EHBP1: variants seen among roughly 807,000 people sequenced by gnomAD.
EHBP1 encodes EH domain-binding protein 1.
EHBP1 carries 55 observed loss-of-function variants against 144.0 expected under a neutral mutation model. The observed-to-expected ratio is 0.38, with a 90% CI of 0.31 to 0.48. EHBP1 has a LOEUF of 0.48. Among genes scored for constraint, EHBP1 ranks in the 20% least tolerant of loss-of-function variants. EHBP1 has a pLI of 0.98. For missense variants in EHBP1, 1,200 were observed against 1,364.2 expected (o/e 0.88, Z 1.90); for synonymous variants, 469 against 472.7 (o/e 0.99, Z 0.10).
At chr2:62,740,306 A>G (rs959510998) in intron 2 of EHBP1, among the ~76,000 whole-genome samples, 1 of 152,236 alleles carries the variant, frequency 6.6e-6, no homozygotes, top group Non-Finnish European at 1.5e-5. Context: ...CAGAAAAGAA[A>G]TATATCCTAT....
chr2:62,990,793 A>G lies in EHBP1; in HGVS notation c.2686A>G (p.Ser896Gly). The part of the protein sequence containing the change: ...VQPQVANSPS[S>G]AAQKAVTESS... Reference sequence around the variant, plus strand: ...GCCACAGGTGGCAAATTCACCCTCCAGTGCTGCCCAGAAAGCTGTAACTGA... The same window carrying G: ...GCCACAGGTGGCAAATTCACCCTCCGGTGCTGCCCAGAAAGCTGTAACTGA... Residue 896 changes from serine (S) to glycine (G), a missense_variant, in exon 16 of 23, where the codon AGT (serine) becomes GGT (glycine). Coordinates refer to ENST00000431489, the MANE Select transcript of EHBP1 (RefSeq NM_001142616.3). The G allele has an allele frequency of 6.2e-7, 1 of 1,613,914 alleles. No individual in the cohort carries two copies. The highest frequency in any genetic ancestry group is 8.5e-7 in the Non-Finnish European group (1 of 1,179,860).
chr2:62,935,328 C>CAAA (rs550896639), intron 10 of EHBP1, among the ~76,000 whole-genome samples: 8 of 106,474 alleles, frequency 7.5e-5, no homozygotes, highest in South Asian at 3.2e-4. Flanking sequence ...GACTCCATCT[C>CAAA]AAAAAAAAAA....
At chr2:62,868,724 G>A (rs2050232573) in intron 9 of EHBP1, among the ~76,000 whole-genome samples, 1 of 152,052 alleles carries the variant, frequency 6.6e-6, no homozygotes, top group Non-Finnish European at 1.5e-5. Context: ...GTGGTTGGAG[G>A]ATCTCTTGAG....
chr2:62,866,938 A>G (rs1281284942), intron 9 of EHBP1, among the ~76,000 whole-genome samples: 1 of 152,154 alleles, frequency 6.6e-6, no homozygotes, highest in Non-Finnish European at 1.5e-5. Context: ...AACAAAAACA[A>G]CTCAAGCCAG....
rs1574539567 is a variant in EHBP1, at chr2:63,029,448, T to C, written c.3104-8087T>C. Among the ~76,000 whole-genome samples, 5 of 150,728 alleles carry C rather than the reference T, an allele frequency of 3.3e-5. No individual in the cohort carries two copies. In the Admixed American group the frequency reaches 3.3e-4, roughly 10 times the overall value. On this transcript the variant is annotated intron_variant, in intron 19 of 22. Transcript: ENST00000431489. The stretch of plus-strand genomic sequence containing the variant: ...TTATGTCTGTCTCCATACTAGATTA[T>C]GCGGCCTTTGAGGGCAGGGACCACA...
intron 16 of EHBP1, among the ~76,000 whole-genome samples, chr2:62,992,548 A>G (rs1222663681): frequency 6.6e-6 from 1 of 152,350 alleles, no homozygotes; most frequent in Non-Finnish European, 1.5e-5. Flanking sequence ...TAAAGAACAT[A>G]TAGAGTCCAT....
At chr2:62,822,047 T>C (rs1352480077) in intron 5 of EHBP1, among the ~76,000 whole-genome samples, 1 of 152,180 alleles carries the variant, frequency 6.6e-6, no homozygotes, top group African/African-American at 2.4e-5. Flanking sequence ...CACCCTGTTA[T>C]GTTATCAAAT....
rs373148871 is a variant in EHBP1, at chr2:62,817,112, A to T, written c.313-8975A>T. Among the ~76,000 whole-genome samples, 11 of 152,354 alleles carry T rather than the reference A, an allele frequency of 7.2e-5. No individual in the cohort carries two copies. In the South Asian group the frequency reaches 2.3e-3, roughly 32 times the overall value. On this transcript the variant is annotated intron_variant, in intron 5 of 22. Coordinates refer to ENST00000431489, the MANE Select transcript of EHBP1 (RefSeq NM_001142616.3). ...TAGAATTACACTTCATTCACTTAAG[A>T]AGTATTTATTGAGTAGTGGCTATAT...
rs1467692026 is a variant in EHBP1 at position 62,955,614 on chromosome 2, A to C, written c.2414A>C (p.His805Pro). Residue 805 changes from histidine to proline, a missense_variant, in exon 14 of 23, where the codon CAC becomes CCC. Coordinates refer to ENST00000431489, the MANE Select transcript of EHBP1 (RefSeq NM_001142616.3). ...RDAALKAGNK[H>P]NTNTATPFCN... ...GCAGCCTTAAAGGCGGGGAATAAGC[A>C]CAATACCAACACAGCCACCCCATTC... is the stretch of plus-strand genomic sequence containing the variant. 1 of 1,612,442 alleles carries C rather than the reference A, an allele frequency of 6.2e-7. No individual in the cohort carries two copies. Among genetic ancestry groups the C allele is most frequent in the Non-Finnish European group, 8.5e-7 (1 of 1,179,068 alleles).
rs13426134 is a variant in EHBP1, at chr2:62,833,571, G to A, written c.634+2413G>A. Among the ~76,000 whole-genome samples the A allele has an allele frequency of 7.4e-4, 113 of 152,220 alleles. No individual in the cohort carries two copies. The Middle Eastern group carries it at 0.01, about 14-fold the overall frequency. ...TTTAAGACCATTGTTGAGACCTGCC[G>A]TACAGAAAAAAGATGCTTTCCAAAA... On this transcript the variant is annotated intron_variant, in intron 7 of 22. Transcript: ENST00000431489.
At chr2:63,017,835 T>C (rs770420599) in intron 19 of EHBP1, among the ~76,000 whole-genome samples, 4 of 152,192 alleles carry the variant, frequency 2.6e-5, no homozygotes, top group Non-Finnish European at 5.9e-5. Flanking sequence ...AACAGACATA[T>C]AGTTTAAAGA....
intron 2 of EHBP1, among the ~76,000 whole-genome samples, chr2:62,736,194 G>A (rs1249199715): frequency 1.5e-5 from 1 of 65,552 alleles, no homozygotes; most frequent in African/African-American, 5.6e-5. Flanking sequence ...ATTCTATTCT[G>A]TTTTTTTTTT....
At chr2:62,719,122 C>T (rs543039318) in intron 2 of EHBP1, among the ~76,000 whole-genome samples, 8 of 151,746 alleles carry the variant, frequency 5.3e-5, no homozygotes, top group South Asian at 2.1e-4. Flanking sequence ...TGTGTCACCA[C>T]GCCCGGCTAA....
At chr2:62,923,712 C>T (rs1304741268) in intron 10 of EHBP1, among the ~76,000 whole-genome samples, 1 of 152,214 alleles carries the variant, frequency 6.6e-6, no homozygotes, top group Non-Finnish European at 1.5e-5. Context: ...CCATAACCCA[C>T]CAACCCTCTA....
chr2:63,009,017 G>C (rs959114617), intron 19 of EHBP1, among the ~76,000 whole-genome samples: 2 of 151,598 alleles, frequency 1.3e-5, no homozygotes, highest in Non-Finnish European at 3.0e-5. Flanking sequence ...CAGATATACC[G>C]TGGAATGGAC....
intron 5 of EHBP1, among the ~76,000 whole-genome samples, chr2:62,807,337 C>T (rs1014845177): frequency 3.3e-5 from 5 of 152,154 alleles, no homozygotes; most frequent in African/African-American, 9.7e-5. Flanking sequence ...CACCTGAGGT[C>T]GGGAGTTCAA....
intron 13 of EHBP1, among the ~76,000 whole-genome samples, chr2:62,949,389 C>T (rs1574199639): frequency 6.6e-6 from 1 of 151,914 alleles, no homozygotes; most frequent in Admixed American, 6.6e-5. Context: ...GGTAACATAG[C>T]GAGTCCCTGT....
chr2:62,912,664 G>A (rs1049559099), intron 10 of EHBP1, among the ~76,000 whole-genome samples: 14 of 152,124 alleles, frequency 9.2e-5, no homozygotes, highest in Admixed American at 3.9e-4. Context: ...ACAGTTAAAT[G>A]TTAAAGTGTA....
chr2:62,909,655 C>G (rs1008342910), intron 10 of EHBP1, among the ~76,000 whole-genome samples: 10 of 152,278 alleles, frequency 6.6e-5, no homozygotes, highest in African/African-American at 2.4e-4. Flanking sequence ...TGACCTGGTT[C>G]CCCAGCTGTA....
Sources: allele counts gnomAD v4.1 joint callset (sites outside exome capture counted in the v4.1 genomes callset), GRCh38; gene constraint gnomAD v4.1.1; transcripts MANE v1.5; gene names NCBI Gene and HGNC (gene_info 2026-07-23, HGNC 2026-07-21).